Variants in CNTNAP5 observed in about 807,000 individuals in gnomAD.
CNTNAP5 encodes contactin associated protein family member 5.
Under a neutral mutation model 150.2 loss-of-function variants are expected in CNTNAP5, and 72 were observed. The observed-to-expected ratio is 0.48, with a 90% CI of 0.40 to 0.58. The LOEUF (loss-of-function observed/expected upper bound fraction) is 0.58, where lower values mean the gene tolerates loss of function less well. CNTNAP5 is among the 20% of genes least tolerant of loss of function. The pLI is 0.00. For synonymous variants in CNTNAP5, 672 were observed against 619.8 expected (o/e 1.08, Z -1.25); for missense variants, 1,636 against 1,626.2 (o/e 1.01, Z -0.10).
intron 19 of CNTNAP5, among the ~76,000 whole-genome samples, chr2:124,802,046 T>C (rs540102238): frequency 6.6e-6 from 1 of 152,286 alleles, no homozygotes; most frequent in South Asian, 2.1e-4. Context: ...GGGAATCTGG[T>C]GGAAATTATA....
intron 1 of CNTNAP5, among the ~76,000 whole-genome samples, chr2:124,203,321 A>G (rs1349685754): frequency 2.0e-5 from 3 of 152,156 alleles, no homozygotes; most frequent in Non-Finnish European, 2.9e-5. Context: ...GTGACTTTAC[A>G]GGGTACAGCA....
intron 13 of CNTNAP5, among the ~76,000 whole-genome samples, chr2:124,684,330 GTA>G (rs1304463284): frequency 3.3e-5 from 5 of 152,040 alleles, no homozygotes; most frequent in Admixed American, 1.3e-4. Context: ...CTTACTCAGT[GTA>G]TGTTAAAAAC....
chr2:124,795,718 A>G (rs1037864042), intron 18 of CNTNAP5, among the ~76,000 whole-genome samples: 1 of 152,110 alleles, frequency 6.6e-6, no homozygotes, highest in Non-Finnish European at 1.5e-5. Flanking sequence ...GGGTTTTGCC[A>G]TGTTGGTCAG....
In CNTNAP5 at chr2:124,902,986, C is replaced by A. The variant is rs1393792573; in HGVS notation, c.3541C>A (p.Leu1181Met). ...CCACATAGCACCACTGAAGGCTGCCCTGCGCCATGCCACTGTCGCGCCTGT... is the reference window on the plus strand; with the variant it reads ...CCACATAGCACCACTGAAGGCTGCCATGCGCCATGCCACTGTCGCGCCTGT... ...YNHIAPLKAA[L>M]RHATVAPVTV... Residue 1181 changes from leucine to methionine, a missense_variant, in exon 22 of 24, where the codon CTG (leucine) becomes ATG (methionine). Leu to Met is a conservative substitution (Grantham distance 15). Transcript: ENST00000682447. The A allele has an allele frequency of 1.2e-6, 2 of 1,612,782 alleles. No individual in the cohort carries two copies. Among genetic ancestry groups the A allele is most frequent in the Non-Finnish European group, 1.7e-6 (2 of 1,179,388 alleles).
At chr2:124,660,561 C>G (rs898753965) in intron 13 of CNTNAP5, among the ~76,000 whole-genome samples, 2 of 151,968 alleles carry the variant, frequency 1.3e-5, no homozygotes, top group Non-Finnish European at 2.9e-5. Flanking sequence ...AAAGCAATAC[C>G]ATTTTAACAT....
chr2:124,566,027 GT>G (rs34870630), intron 11 of CNTNAP5, among the ~76,000 whole-genome samples: 19,325 of 150,522 alleles, frequency 0.13, 1,502 homozygotes, highest in East Asian at 0.26. Flanking sequence ...AAAATTATGT[GT>G]TTTTATCTAA....
chr2:124,438,839 A>T (rs1692605723), intron 5 of CNTNAP5, among the ~76,000 whole-genome samples: 1 of 152,170 alleles, frequency 6.6e-6, no homozygotes, highest in South Asian at 2.1e-4. Flanking sequence ...AACATTTAAA[A>T]TACATATTTT....
At chr2:124,781,493 TGA>T (rs1681450135) in intron 17 of CNTNAP5, among the ~76,000 whole-genome samples, 1 of 152,188 alleles carries the variant, frequency 6.6e-6, no homozygotes. Context: ...GAAGGCAGCC[TGA>T]GACTTGTGTG....
At chr2:124,436,285 A>G (rs1692529303) in intron 5 of CNTNAP5, among the ~76,000 whole-genome samples, 4 of 152,358 alleles carry the variant, frequency 2.6e-5, no homozygotes, top group Admixed American at 6.5e-5. Context: ...GCTCCAACAT[A>G]CAAAATCTAA....
chr2:124,219,140 TGTATG>T lies in CNTNAP5; in HGVS notation c.83-2562_83-2558del, dbSNP rs570147713. 1.8e-4 allele frequency among the ~76,000 whole-genome samples: 28 copies of T among 152,140 alleles called. No individual in the cohort carries two copies. In the South Asian group the frequency reaches 5.6e-3, roughly 30 times the overall value. On this transcript the variant is annotated intron_variant, in intron 1 of 23. Coordinates refer to ENST00000682447, the MANE Select transcript of CNTNAP5 (RefSeq NM_001367498.1). Reference sequence around the variant, plus strand: ...AATTCCAGAGTTGTTTCTTGAGCAATGTATGGTTGAGTTGACTTGAAACATATACA... The same window carrying T: ...AATTCCAGAGTTGTTTCTTGAGCAATGTTGAGTTGACTTGAAACATATACA...
chr2:124,671,058 C>T (rs1014786257), intron 13 of CNTNAP5, among the ~76,000 whole-genome samples: 2 of 152,150 alleles, frequency 1.3e-5, no homozygotes, highest in African/African-American at 2.4e-5. Flanking sequence ...CAGGGGAGTT[C>T]AGCCTGTCGC....
At chr2:124,165,001 A>G (rs1361635334) in intron 1 of CNTNAP5, among the ~76,000 whole-genome samples, 3 of 152,164 alleles carry the variant, frequency 2.0e-5, no homozygotes, top group Non-Finnish European at 4.4e-5. Flanking sequence ...GGAGCCAGCC[A>G]GAGAAGGGCT....
rs182577960 is a variant in CNTNAP5 at position 124,026,499 on chromosome 2, G to A, written c.82+767G>A. Among the ~76,000 whole-genome samples the A allele has an allele frequency of 5.2e-3, 796 of 152,284 alleles. 2 individuals are homozygous for A. Among genetic ancestry groups the A allele is most frequent in the Non-Finnish European group, 7.9e-3 (537 of 68,020 alleles). ...CTGGGCTCCCGGGGATCCACCAACT[G>A]CACTATATATTTAAAGAATCCAGTC... On this transcript the variant is annotated intron_variant, in intron 1 of 23. Transcript: ENST00000682447.
chr2:124,474,151 A>G (rs1332292448), intron 6 of CNTNAP5, among the ~76,000 whole-genome samples: 1 of 152,084 alleles, frequency 6.6e-6, no homozygotes, highest in Non-Finnish European at 1.5e-5. Context: ...ACTTCCCATT[A>G]TATTACAAAT....
chr2:124,507,092 G>T (rs1040614263), intron 8 of CNTNAP5, among the ~76,000 whole-genome samples: 1 of 152,128 alleles, frequency 6.6e-6, no homozygotes, highest in Non-Finnish European at 1.5e-5. Context: ...AAAGCCCAAA[G>T]AAATGGCAGA....
chr2:124,545,123 TA>T (rs984706500), intron 10 of CNTNAP5, among the ~76,000 whole-genome samples: 1 of 152,160 alleles, frequency 6.6e-6, no homozygotes, highest in South Asian at 2.1e-4. Flanking sequence ...GAATTCATGT[TA>T]AAAAAACACA....
chr2:124,233,293 G>A (rs1273520001), intron 2 of CNTNAP5, among the ~76,000 whole-genome samples: 1 of 152,064 alleles, frequency 6.6e-6, no homozygotes. Flanking sequence ...CCCTGGAATA[G>A]CAGCATAATG....
chr2:124,526,417 A>G (rs1694969482), intron 9 of CNTNAP5, among the ~76,000 whole-genome samples: 1 of 152,166 alleles, frequency 6.6e-6, no homozygotes, highest in Non-Finnish European at 1.5e-5. Context: ...GTGACTGTCT[A>G]TTAGAGACGG....
At chr2:124,824,020 C>T (rs1241506771) in intron 19 of CNTNAP5, among the ~76,000 whole-genome samples, 2 of 151,242 alleles carry the variant, frequency 1.3e-5, no homozygotes, top group East Asian at 1.9e-4. Context: ...CTGGTTCAAG[C>T]GATTCTCCTT....
Sources: gnomAD v4.1 joint callset for allele counts (sites outside exome capture counted in the v4.1 genomes callset) on GRCh38, gnomAD v4.1.1 for gene constraint, MANE v1.5 for transcripts, NCBI Gene and HGNC (gene_info 2026-07-23, HGNC 2026-07-21) for gene names.